IDUA: variants seen among roughly 807,000 people sequenced by gnomAD.
IDUA encodes alpha-L-iduronidase.
In IDUA, 65 loss-of-function variants were observed where a neutral mutation model predicts 68.9. The observed-to-expected ratio is 0.94, with a 90% CI of 0.77 to 1.16. The LOEUF is 1.16. Ranked by LOEUF, IDUA falls within the 50% of genes most tolerant of loss-of-function variation. IDUA has a pLI of 0.00. For synonymous variants in IDUA, 529 were observed against 433.6 expected (o/e 1.22, Z -2.73); for missense variants, 1,046 against 938.0 (o/e 1.12, Z -1.50).
intron 12 of IDUA, 178 bp downstream of exon 12, chr4:1,003,803 G>T (rs1715276378): frequency 2.5e-6 from 2 of 797,500 alleles, no homozygotes; most frequent in Middle Eastern, 2.8e-4. Flanking sequence ...GGCCCTGCCA[G>T]TGGGGTGTGG....
rs1286082764 is a variant in IDUA, at chr4:987,935, G to A, written c.285G>A (p.Glu95=). Residue 95 remains glutamate, a synonymous_variant, in exon 2 of 14, where the codon GAG becomes GAA. Transcript: ENST00000514224. Reference sequence around the variant, plus strand: ...AGGTCCGGACCCACTGGCTGCTGGAGCTTGTCACCACCAGGTGGGCGGCGG... The same window carrying A: ...AGGTCCGGACCCACTGGCTGCTGGAACTTGTCACCACCAGGTGGGCGGCGG... ...IKQVRTHWLL[E]LVTTRGSTGR... The A allele has an allele frequency of 6.3e-7, 1 of 1,588,426 alleles. No individual in the cohort carries two copies. The highest frequency in any genetic ancestry group is 1.3e-5 in the African/African-American group (1 of 74,438).
Position 1,001,679 on chromosome 4 carries a change from G to C in IDUA, c.590G>C (p.Gly197Ala), listed in dbSNP as rs770087890. 20 of 1,601,556 alleles carry C rather than the reference G, an allele frequency of 1.2e-5. No homozygotes were observed. Among genetic ancestry groups the C allele is most frequent in the Non-Finnish European group, 1.6e-5 (19 of 1,179,014 alleles). Residue 197 changes from glycine to alanine, a missense_variant and splice_region_variant, in exon 6 of 14, where the codon GGC becomes GCC. Physicochemically the swap from Gly to Ala is moderately conservative, Grantham distance 60. Coordinates refer to ENST00000514224, the MANE Select transcript of IDUA (RefSeq NM_000203.5). ...DFDNVSMTMQ[G>A]FLNYYDACSE... ...TAGACGCAGTGCTCCCCCGGCCCAGGCTTCCTGAACTACTACGATGCCTGC... is the reference window on the plus strand; with the variant it reads ...TAGACGCAGTGCTCCCCCGGCCCAGCCTTCCTGAACTACTACGATGCCTGC...
At chr4:997,262 G>A (rs1714792355) in intron 2 of IDUA, among the ~76,000 whole-genome samples, 1 of 151,918 alleles carries the variant, frequency 6.6e-6, no homozygotes. Flanking sequence ...ACAGATGCAG[G>A]TTCTCCCAAG....
At chr4:997,859 A>T (rs1714834904) in intron 2 of IDUA, among the ~76,000 whole-genome samples, 1 of 152,106 alleles carries the variant, frequency 6.6e-6, no homozygotes, top group Admixed American at 6.5e-5. Context: ...GCCAGATGAC[A>T]CTCAGAGGCG....
At chr4:991,355 T>C (rs779939528) in intron 2 of IDUA, 1 of 1,612,494 alleles carries the variant, frequency 6.2e-7, no homozygotes, top group Non-Finnish European at 8.5e-7. Context: ...TGCCGTGAGG[T>C]GCCCATGAGG....
chr4:1,003,638 G>A lies in IDUA; in HGVS notation c.1727+13G>A. ...ACGTGGGCTCCAAGTGCGTGAGTGGGGCCGCCCCTCCCTCTGCCTGGTCCT... is the reference window on the plus strand; with the variant it reads ...ACGTGGGCTCCAAGTGCGTGAGTGGAGCCGCCCCTCCCTCTGCCTGGTCCT... On this transcript the variant is annotated intron_variant, in intron 12 of 13. Transcript: ENST00000514224. 1 of 1,612,010 alleles carries A rather than the reference G, an allele frequency of 6.2e-7. No homozygotes were observed. Among genetic ancestry groups the A allele is most frequent in the Non-Finnish European group, 8.5e-7 (1 of 1,179,550 alleles).
chr4:1,001,658 C>G lies in IDUA; in HGVS notation c.590-21C>G, dbSNP rs770708522. On this transcript the variant is annotated intron_variant, in intron 5 of 13. Coordinates refer to ENST00000514224, the MANE Select transcript of IDUA (RefSeq NM_000203.5). Reference sequence around the variant, plus strand: ...CGCTCATCCCCAGGGCAGGTGTAGACGCAGTGCTCCCCCGGCCCAGGCTTC... The same window carrying G: ...CGCTCATCCCCAGGGCAGGTGTAGAGGCAGTGCTCCCCCGGCCCAGGCTTC... The G allele has an allele frequency of 2.0e-5, 32 of 1,603,948 alleles. 2 individuals are homozygous for G. In the South Asian group the frequency reaches 3.2e-4, roughly 16 times the overall value.
intron 2 of IDUA, chr4:989,864 G>A: frequency 6.3e-7 from 1 of 1,576,068 alleles, no homozygotes; most frequent in Non-Finnish European, 8.6e-7. Context: ...ATCTCCGCCA[G>A]CGAGATGGAG....
intron 2 of IDUA, chr4:989,900 C>G (rs1445732147): frequency 2.6e-6 from 4 of 1,564,890 alleles, no homozygotes; most frequent in South Asian, 2.3e-5. Flanking sequence ...AGGGCCAGGG[C>G]CACGGCATCC....
In IDUA at chr4:990,371, G is replaced by A. The variant is rs754363446; in HGVS notation, c.299+2422G>A. 6.8e-5 allele frequency: 108 copies of A among 1,585,428 alleles called. No individual in the cohort carries two copies. The East Asian group carries it at 8.0e-4, about 12-fold the overall frequency. On this transcript the variant is annotated intron_variant, in intron 2 of 13. Coordinates refer to ENST00000514224, the MANE Select transcript of IDUA (RefSeq NM_000203.5). Reference sequence around the variant, plus strand: ...AGGACGCCCATGAGGACCTGTGGACGGAGTGCGGTCAGGCCAGCAGGCGCC... The same window carrying A: ...AGGACGCCCATGAGGACCTGTGGACAGAGTGCGGTCAGGCCAGCAGGCGCC...
chr4:994,081 T>C (rs1288147141), intron 2 of IDUA, among the ~76,000 whole-genome samples: 3 of 152,142 alleles, frequency 2.0e-5, no homozygotes, highest in African/African-American at 7.2e-5. Flanking sequence ...GGGGTGAAGA[T>C]AAATGATTTT....
At chr4:995,959 C>T (rs1182390177) in intron 2 of IDUA, among the ~76,000 whole-genome samples, 1 of 151,924 alleles carries the variant, frequency 6.6e-6, no homozygotes, top group Non-Finnish European at 1.5e-5. Flanking sequence ...GTGTGAGATG[C>T]GGGCAGGGCT....
intron 2 of IDUA, chr4:988,656 G>A (rs1009700328): frequency 4.8e-5 from 68 of 1,406,324 alleles, no homozygotes; most frequent in East Asian, 3.7e-4. Flanking sequence ...TGGGTCCTGC[G>A]TGTGATCAGA....
rs767184160 is a variant in IDUA at position 990,363 on chromosome 4, C to T, written c.299+2414C>T. On this transcript the variant is annotated intron_variant, in intron 2 of 13. Coordinates refer to ENST00000514224, the MANE Select transcript of IDUA (RefSeq NM_000203.5). Reference sequence around the variant, plus strand: ...CCAGCCGGAGGACGCCCATGAGGACCTGTGGACGGAGTGCGGTCAGGCCAG... The same window carrying T: ...CCAGCCGGAGGACGCCCATGAGGACTTGTGGACGGAGTGCGGTCAGGCCAG... 2.1e-5 allele frequency: 33 copies of T among 1,591,370 alleles called. No homozygotes were observed. The East Asian group carries it at 7.5e-4, about 36-fold the overall frequency.
rs116360819 is a variant in IDUA, at chr4:996,671, T to C, written c.300-3941T>C. 2.7e-3 allele frequency among the ~76,000 whole-genome samples: 414 copies of C among 152,314 alleles called. 3 individuals are homozygous for C. Among genetic ancestry groups the C allele is most frequent in the African/African-American group, 9.4e-3 (391 of 41,566 alleles). ...CCCCACCTAGGCTGGGTGTCTAAAG[T>C]AGGTGAGGTCATCACTGCAGGATCC... On this transcript the variant is annotated intron_variant, in intron 2 of 13. Coordinates refer to ENST00000514224, the MANE Select transcript of IDUA (RefSeq NM_000203.5).
At chr4:991,511 GGCGGTACTGAC>G in intron 2 of IDUA, 1 of 1,609,624 alleles carries the variant, frequency 6.2e-7, no homozygotes, top group Admixed American at 1.7e-5. Flanking sequence ...TACTCCCGCG[GGCGGTACTGAC>G]GCAGCCAGCG....
intron 2 of IDUA, chr4:989,803 G>A: frequency 6.3e-7 from 1 of 1,574,972 alleles, no homozygotes; most frequent in Non-Finnish European, 8.6e-7. Context: ...GCAGCCCACA[G>A]CCAGCAGCTC....
At chr4:1,001,050 C>T (rs889204338) in intron 4 of IDUA, 61 bp downstream of exon 4, 1 of 1,167,784 alleles carries the variant, frequency 8.6e-7, no homozygotes, top group South Asian at 1.2e-5. Context: ...GCAGGTTGCA[C>T]CCCTATCACG....
At chr4:992,071 C>T (rs1714397945) in intron 2 of IDUA, 1 of 537,206 alleles carries the variant, frequency 1.9e-6, no homozygotes, top group Non-Finnish European at 3.6e-6. Context: ...TGGCTGAAAA[C>T]CACCCTGTAG....
Sources: gnomAD v4.1 joint callset for allele counts (sites outside exome capture counted in the v4.1 genomes callset) on GRCh38, gnomAD v4.1.1 for gene constraint, MANE v1.5 for transcripts, NCBI Gene and HGNC (gene_info 2026-07-23, HGNC 2026-07-21) for gene names.